Variants in ANKRD12 observed in about 807,000 individuals in gnomAD.
The protein encoded by ANKRD12 is ankyrin repeat domain-containing protein 12.
A neutral mutation model predicts 183.4 loss-of-function variants in ANKRD12; 85 were observed. That is an observed-to-expected ratio of 0.46 (90% CI 0.39 to 0.56). The LOEUF (loss-of-function observed/expected upper bound fraction) is 0.56, where lower values mean the gene tolerates loss of function less well. ANKRD12 is among the 20% of genes least tolerant of loss of function. The pLI, the probability that ANKRD12 is intolerant of heterozygous loss-of-function variation, is 0.00. For missense variants in ANKRD12, 2,405 were observed against 2,357.1 expected (o/e 1.02, Z -0.42); for synonymous variants, 914 against 800.2 (o/e 1.14, Z -2.40).
chr18:9,206,802 C>T (rs1156910071), intron 4 of ANKRD12, among the ~76,000 whole-genome samples: 1 of 151,954 alleles, frequency 6.6e-6, no homozygotes, highest in Non-Finnish European at 1.5e-5. Flanking sequence ...GTATGTATTA[C>T]TTTATCATGT....
chr18:9,150,920 T>G (rs147350879), intron 1 of ANKRD12, among the ~76,000 whole-genome samples: 1 of 152,030 alleles, frequency 6.6e-6, no homozygotes, highest in African/African-American at 2.4e-5. Flanking sequence ...CCCAAAGTGC[T>G]GGGATTACAG....
chr18:9,243,260 A>G (rs2037762444), intron 8 of ANKRD12, among the ~76,000 whole-genome samples: 1 of 152,178 alleles, frequency 6.6e-6, no homozygotes, highest in Non-Finnish European at 1.5e-5. Context: ...CAGATGTGAA[A>G]TGTTCCTCCC....
chr18:9,275,020 C>CA (rs899563377), intron 10 of ANKRD12, among the ~76,000 whole-genome samples: 8 of 149,972 alleles, frequency 5.3e-5, no homozygotes, highest in East Asian at 3.9e-4. Flanking sequence ...CCTGTTTCTA[C>CA]AAAAAAAAAT....
chr18:9,164,610 C>T (rs1021777985), intron 1 of ANKRD12, among the ~76,000 whole-genome samples: 1 of 152,074 alleles, frequency 6.6e-6, no homozygotes, highest in African/African-American at 2.4e-5. Context: ...TCTTTGCATT[C>T]GTTTCCAAGA....
At chr18:9,155,647 T>C (rs1157200725) in intron 1 of ANKRD12, among the ~76,000 whole-genome samples, 1 of 152,234 alleles carries the variant, frequency 6.6e-6, no homozygotes. Context: ...GGTCAGACTT[T>C]TAAGTGAGAA....
At chr18:9,195,729 C>T in intron 3 of ANKRD12, 31 bp downstream of exon 3, 1 of 1,592,264 alleles carries the variant, frequency 6.3e-7, no homozygotes, top group Non-Finnish European at 8.5e-7. Context: ...CTGGTAAAAT[C>T]TTGCCCATTC....
At chr18:9,223,803 T>C (rs1378463259) in intron 8 of ANKRD12, among the ~76,000 whole-genome samples, 1 of 152,222 alleles carries the variant, frequency 6.6e-6, no homozygotes, top group Non-Finnish European at 1.5e-5. Context: ...CAGTTTCTTA[T>C]TAAGTAGAAA....
In ANKRD12 at chr18:9,256,505, T is replaced by C; in HGVS notation, c.3238T>C (p.Phe1080Leu). The change falls in exon 9 of 13, where the codon TTT (phenylalanine) becomes CTT (leucine). Residue 1080 changes from phenylalanine to leucine, a missense_variant. Phe to Leu is a conservative substitution (Grantham distance 22, BLOSUM62 0). This residue lies in a region of ANKRD12 where 1,983 missense variants were observed against 1,725.9 expected (regional missense o/e 1.15). Coordinates refer to ENST00000262126, the MANE Select transcript of ANKRD12 (RefSeq NM_015208.5). ...GAATGATGATTTAATGCAGACAAGTTTTGAACGAATGCTAAGCCTTAAAGA... is the reference window on the plus strand; with the variant it reads ...GAATGATGATTTAATGCAGACAAGTCTTGAACGAATGCTAAGCCTTAAAGA... ...LVNDDLMQTS[F>L]ERMLSLKDLE... is the part of the protein sequence containing the mutation. The C allele has an allele frequency of 6.2e-7, 1 of 1,610,882 alleles. No homozygotes were observed. Among genetic ancestry groups the C allele is most frequent in the Non-Finnish European group, 8.5e-7 (1 of 1,179,224 alleles).
At chr18:9,190,933 A>G (rs915293824) in intron 2 of ANKRD12, among the ~76,000 whole-genome samples, 2 of 152,194 alleles carry the variant, frequency 1.3e-5, no homozygotes, top group Admixed American at 6.5e-5. Context: ...TGAATCTGCC[A>G]TATCTCCAAG....
chr18:9,194,393 G>A (rs987051369), intron 2 of ANKRD12, among the ~76,000 whole-genome samples: 1 of 151,532 alleles, frequency 6.6e-6, no homozygotes, highest in Non-Finnish European at 1.5e-5. Flanking sequence ...TTTTGCTCTT[G>A]TTGCCCAGGC....
intron 8 of ANKRD12, among the ~76,000 whole-genome samples, chr18:9,238,446 A>G (rs764350434): frequency 1.6e-4 from 24 of 152,128 alleles, no homozygotes. Context: ...CCTCAGCAAA[A>G]TCTCAAAAAT....
At chr18:9,209,083 A>G (rs532373890) in intron 5 of ANKRD12, among the ~76,000 whole-genome samples, 5 of 152,300 alleles carry the variant, frequency 3.3e-5, no homozygotes, top group African/African-American at 1.2e-4. Flanking sequence ...AAATGTCAGC[A>G]GTATATTAAC....
At chr18:9,276,666 T>G (rs1165252282) in intron 11 of ANKRD12, among the ~76,000 whole-genome samples, 2 of 152,064 alleles carry the variant, frequency 1.3e-5, no homozygotes, top group Non-Finnish European at 2.9e-5. Context: ...GTGAGCTGGA[T>G]TGTACCACTG....
chr18:9,163,441 T>G (rs1287610656), intron 1 of ANKRD12, among the ~76,000 whole-genome samples: 2 of 152,130 alleles, frequency 1.3e-5, no homozygotes, highest in Non-Finnish European at 2.9e-5. Context: ...TTTTGGTTGC[T>G]GTAGCCCTGT....
intron 8 of ANKRD12, among the ~76,000 whole-genome samples, chr18:9,245,999 ATGG>A (rs2037941797): frequency 6.6e-6 from 1 of 152,232 alleles, no homozygotes; most frequent in Admixed American, 6.5e-5. Flanking sequence ...TACTAGCTTT[ATGG>A]TCATGACAGA....
chr18:9,258,533 C>T lies in ANKRD12; in HGVS notation c.5266C>T (p.Leu1756=), dbSNP rs3744823. Residue 1756 remains leucine, a synonymous_variant, in exon 9 of 13, where the codon CTA becomes TTA. Coordinates refer to ENST00000262126, the MANE Select transcript of ANKRD12 (RefSeq NM_015208.5). ...CAAACAGATTCTTGCTAGCTGTACA[C>T]TATTATCAGAAAAAGACAGTGAATC... The part of the protein sequence containing the change: ...QSKQILASCT[L]LSEKDSESSS... 0.079 allele frequency: 128,134 copies of T among 1,613,500 alleles called. 5,402 individuals carry two copies. The highest frequency in any genetic ancestry group is 0.093 in the African/African-American group (6,968 of 74,954).
chr18:9,179,525 A>G (rs1281157186), intron 1 of ANKRD12, among the ~76,000 whole-genome samples: 1 of 151,890 alleles, frequency 6.6e-6, no homozygotes, highest in Non-Finnish European at 1.5e-5. Context: ...GATTTTTTTG[A>G]GGGGGGCAGG....
At chr18:9,144,063 G>A (rs1224365816) in intron 1 of ANKRD12, among the ~76,000 whole-genome samples, 1 of 151,982 alleles carries the variant, frequency 6.6e-6, no homozygotes, top group East Asian at 1.9e-4. Flanking sequence ...TTTTACATTA[G>A]CTAATGCATG....
In ANKRD12 at chr18:9,258,700, A is replaced by G; in HGVS notation, c.5433A>G (p.Gln1811=). ...TACAAGCAAAAGAGAAAACTCAGCA[A>G]TCTCTGGCAGCCATTGTAGATTCTC... ...SLLQAKEKTQ[Q]SLAAIVDSLK... The change falls in exon 9 of 13, where the codon CAA becomes CAG. Residue 1811 remains glutamine, a synonymous_variant. Transcript: ENST00000262126. 1.2e-6 allele frequency: 2 copies of G among 1,613,948 alleles called. No homozygotes were observed. The highest frequency in any genetic ancestry group is 1.7e-6 in the Non-Finnish European group (2 of 1,179,914).
Sources: allele counts gnomAD v4.1 joint callset (sites outside exome capture counted in the v4.1 genomes callset), GRCh38; gene constraint gnomAD v4.1.1; regional missense constraint gnomAD v4.1.1; transcripts MANE v1.5; gene names NCBI Gene and HGNC (gene_info 2026-07-23, HGNC 2026-07-21).